The following EYS variants were observed in gnomAD, a reference collection of about 807,000 sequenced individuals.
EYS encodes the protein EGF-like photoreceptor maintenance factor.
Under a neutral mutation model 282.1 loss-of-function variants are expected in EYS, and 250 were observed. The observed-to-expected ratio is 0.89, with a 90% CI of 0.80 to 0.98. EYS has a LOEUF of 0.98. Ranked by LOEUF, EYS falls within the 50% of genes least tolerant of loss-of-function variation. The pLI is 0.00. For synonymous variants in EYS, 1,355 were observed against 1,282.9 expected, an observed-to-expected ratio of 1.06 and a Z score of -1.20; for missense variants, 4,016 against 3,709.0, an observed-to-expected ratio of 1.08 and a Z score of -2.15.
chr6:64,267,071 T>A (rs1254879774), intron 30 of EYS, among the ~76,000 whole-genome samples: 3 of 152,168 alleles, frequency 2.0e-5, no homozygotes, highest in Non-Finnish European at 4.4e-5. Context: ...TTGGGGTAAC[T>A]GAAAAAATGT....
intron 2 of EYS, among the ~76,000 whole-genome samples, chr6:65,604,420 TAA>T (rs912428073): frequency 4.0e-5 from 6 of 151,864 alleles, no homozygotes; most frequent in African/African-American, 1.4e-4. Flanking sequence ...TAATTACGTT[TAA>T]AAATTCACAT....
intron 2 of EYS, among the ~76,000 whole-genome samples, chr6:65,585,830 G>A (rs1431297216): frequency 6.6e-6 from 1 of 151,750 alleles, no homozygotes; most frequent in Non-Finnish European, 1.5e-5. Flanking sequence ...TAAAATAAAA[G>A]CTTCACTTAT....
intron 22 of EYS, among the ~76,000 whole-genome samples, chr6:64,656,609 TC>T (rs1287648531): frequency 1.3e-5 from 2 of 152,210 alleles, no homozygotes; most frequent in Admixed American, 6.5e-5. Flanking sequence ...TAGAGGTTAT[TC>T]CCCTAGGAAA....
chr6:64,638,595 C>T (rs1251578743), intron 22 of EYS, among the ~76,000 whole-genome samples: 1 of 90,722 alleles, frequency 1.1e-5, no homozygotes, highest in Non-Finnish European at 2.4e-5. Flanking sequence ...ATGAGCAAGA[C>T]ATCTTGCCTG....
intron 33 of EYS, among the ~76,000 whole-genome samples, chr6:64,034,496 A>G (rs1213246314): frequency 3.3e-5 from 5 of 152,228 alleles, no homozygotes; most frequent in Non-Finnish European, 5.9e-5. Flanking sequence ...GAGTCTGCAC[A>G]CTTAACTCTT....
intron 29 of EYS, among the ~76,000 whole-genome samples, chr6:64,382,092 C>T (rs150664019): frequency 6.6e-6 from 1 of 152,170 alleles, no homozygotes; most frequent in East Asian, 1.9e-4. Flanking sequence ...TTGAACAGCC[C>T]CTCCTTCTCA....
chr6:64,452,640 G>A (rs200091530), intron 26 of EYS, among the ~76,000 whole-genome samples: 42,105 of 151,936 alleles, frequency 0.28, 5,950 homozygotes, highest in East Asian at 0.47. Flanking sequence ...AAAACAGCAT[G>A]GTACTGGTAC....
intron 28 of EYS, among the ~76,000 whole-genome samples, chr6:64,430,378 G>T: frequency 6.6e-6 from 1 of 152,212 alleles, no homozygotes; most frequent in African/African-American, 2.4e-5. Context: ...GTAGTTTAAT[G>T]GAAAGTAGAA....
intron 39 of EYS, among the ~76,000 whole-genome samples, chr6:63,785,566 G>A (rs1264464414): frequency 1.3e-5 from 2 of 152,152 alleles, no homozygotes; most frequent in African/African-American, 4.8e-5. Context: ...AAGGTGGTTA[G>A]TCTCAATACC....
At chr6:64,290,660 G>C (rs1768671545) in intron 30 of EYS, among the ~76,000 whole-genome samples, 1 of 151,986 alleles carries the variant, frequency 6.6e-6, no homozygotes, top group Admixed American at 6.6e-5. Flanking sequence ...GGGGGGCTTA[G>C]AGTCCTCTTC....
intron 14 of EYS, among the ~76,000 whole-genome samples, chr6:64,990,338 T>C (rs568218418): frequency 1.3e-5 from 2 of 151,544 alleles, no homozygotes; most frequent in Non-Finnish European, 3.0e-5. Context: ...TAAAATGTTT[T>C]CTAGGAAAAA....
At chr6:65,000,978 G>A (rs544522773) in intron 13 of EYS, among the ~76,000 whole-genome samples, 70 of 152,304 alleles carry the variant, frequency 4.6e-4, no homozygotes, top group Middle Eastern at 3.4e-3. Context: ...CTCAGTTGCC[G>A]CAGCTGCTGA....
intron 12 of EYS, among the ~76,000 whole-genome samples, chr6:65,193,621 C>T (rs1216871628): frequency 6.6e-6 from 1 of 151,166 alleles, no homozygotes; most frequent in Non-Finnish European, 1.5e-5. Flanking sequence ...TATTGTTCAA[C>T]AAATATTTAT....
At chr6:63,851,894 A>G (rs1182166321) in intron 36 of EYS, among the ~76,000 whole-genome samples, 1 of 152,194 alleles carries the variant, frequency 6.6e-6, no homozygotes, top group Non-Finnish European at 1.5e-5. Context: ...GCAGTGGCTC[A>G]TGCCTGTAAT....
intron 31 of EYS, among the ~76,000 whole-genome samples, chr6:64,207,304 G>A (rs974143957): frequency 2.6e-5 from 4 of 151,924 alleles, no homozygotes; most frequent in Non-Finnish European, 5.9e-5. Flanking sequence ...ATGGGATAAC[G>A]TAACACAAAG....
chr6:64,359,346 T>G (rs1176407512), intron 29 of EYS, among the ~76,000 whole-genome samples: 1 of 151,766 alleles, frequency 6.6e-6, no homozygotes, highest in Non-Finnish European at 1.5e-5. Flanking sequence ...TTAACCCAAT[T>G]TAAATACTTC....
At chr6:64,737,643 A>T (rs2149957940) in intron 22 of EYS, among the ~76,000 whole-genome samples, 1 of 152,316 alleles carries the variant, frequency 6.6e-6, no homozygotes. Flanking sequence ...GATAGGTCTG[A>T]TAGGACAATG....
intron 5 of EYS, 33 bp from the exon 6 acceptor site, chr6:65,405,400 AAAGG>A (rs1340632193): frequency 4.8e-6 from 7 of 1,473,656 alleles, no homozygotes; most frequent in Middle Eastern, 1.8e-4. Flanking sequence ...AAAAAAAAGA[AAAGG>A]AAGGAAGGAA....
chr6:63,782,235 G>T (rs1428999599), intron 39 of EYS, among the ~76,000 whole-genome samples: 1 of 152,144 alleles, frequency 6.6e-6, no homozygotes, highest in African/African-American at 2.4e-5. Flanking sequence ...TCTCTGCCAG[G>T]CTTTGGTATC....
Sources: gnomAD v4.1 joint callset for allele counts (sites outside exome capture counted in the v4.1 genomes callset) on GRCh38, gnomAD v4.1.1 for gene constraint, MANE v1.5 for transcripts, NCBI Gene and HGNC (gene_info 2026-07-23, HGNC 2026-07-21) for gene names.